The following GPC5 variants were observed in gnomAD, a reference collection of about 807,000 sequenced individuals.
The protein encoded by GPC5 is glypican 5, also known as glypican-5.
In GPC5, 47 loss-of-function variants were observed where a neutral mutation model predicts 53.9. The observed-to-expected ratio is 0.87, with a 90% CI of 0.69 to 1.11. GPC5 has a LOEUF of 1.11. GPC5 is among the 50% of genes most tolerant of loss of function. The probability of loss-of-function intolerance (pLI) is 0.00; values close to 1 mark genes in which losing one functional copy is unlikely to be tolerated. For missense variants in GPC5, 748 were observed against 713.1 expected (o/e 1.05, Z -0.56); for synonymous variants, 286 against 263.3 (o/e 1.09, Z -0.84).
intron 7 of GPC5, chr13:92,701,467 A>G (rs936671088): frequency 6.6e-6 from 1 of 152,118 alleles, no homozygotes; most frequent in Non-Finnish European, 1.5e-5. Flanking sequence ...TTGAGAATTC[A>G]ATTTTCAGGG....
rs539221013 is a variant in GPC5, at chr13:92,468,986, C to T, written c.1561+323997C>T. 3.3e-5 allele frequency among the ~76,000 whole-genome samples: 5 copies of T among 152,250 alleles called. No individual in the cohort carries two copies. The South Asian group carries it at 8.3e-4, about 25-fold the overall frequency. The stretch of plus-strand genomic sequence containing the variant: ...TATGCCCATGGCGTCCTATTCCTAT[C>T]GCACAAATTATCACTCTGTCTTAAA... On this transcript the variant is annotated intron_variant, in intron 7 of 7. Coordinates refer to ENST00000377067, the MANE Select transcript of GPC5 (RefSeq NM_004466.6).
At chr13:92,167,954 G>T (rs1176188042) in intron 7 of GPC5, among the ~76,000 whole-genome samples, 1 of 152,110 alleles carries the variant, frequency 6.6e-6, no homozygotes, top group Non-Finnish European at 1.5e-5. Context: ...CAACGAGGAG[G>T]TCCAAACCTT....
chr13:91,722,339 T>C (rs1210556144), intron 3 of GPC5, among the ~76,000 whole-genome samples: 1 of 152,212 alleles, frequency 6.6e-6, no homozygotes, highest in African/African-American at 2.4e-5. Context: ...CATAAAAGAC[T>C]AGATTTTTCT....
intron 7 of GPC5, among the ~76,000 whole-genome samples, chr13:92,815,270 G>T (rs569809141): frequency 3.6e-4 from 55 of 152,104 alleles, no homozygotes; most frequent in African/African-American, 1.2e-3. Context: ...ATCAAAGAAA[G>T]ACTCCATGAA....
chr13:91,672,957 T>A (rs987458737), intron 2 of GPC5, among the ~76,000 whole-genome samples: 3 of 152,088 alleles, frequency 2.0e-5, no homozygotes, highest in African/African-American at 7.2e-5. Flanking sequence ...CTGGAAGCCA[T>A]CATCCTCAGC....
chr13:92,290,111 A>G (rs2042983218), intron 7 of GPC5, among the ~76,000 whole-genome samples: 1 of 152,208 alleles, frequency 6.6e-6, no homozygotes, highest in Non-Finnish European at 1.5e-5. Flanking sequence ...GTACTATAAA[A>G]TAAAAACTGT....
intron 7 of GPC5, among the ~76,000 whole-genome samples, chr13:92,611,342 A>G (rs1047729212): frequency 1.3e-5 from 2 of 152,182 alleles, no homozygotes; most frequent in African/African-American, 4.8e-5. Flanking sequence ...CTCTTTGAGA[A>G]TCAGGCATCT....
At chr13:91,517,765 G>A (rs2351868) in intron 2 of GPC5, among the ~76,000 whole-genome samples, 83,540 of 152,112 alleles carry the variant, frequency 0.55, 27,445 homozygotes, top group Non-Finnish European at 0.72. Flanking sequence ...CCCATGGGTG[G>A]GGAGGTCCCA....
intron 6 of GPC5, among the ~76,000 whole-genome samples, chr13:91,921,255 A>T (rs2039711257): frequency 6.6e-6 from 1 of 151,950 alleles, no homozygotes; most frequent in Non-Finnish European, 1.5e-5. Flanking sequence ...TTTTCTGTAA[A>T]CCTTTTGTAT....
intron 7 of GPC5, among the ~76,000 whole-genome samples, chr13:92,203,223 A>G (rs1272919037): frequency 6.6e-6 from 1 of 151,728 alleles, no homozygotes; most frequent in South Asian, 2.1e-4. Context: ...AATAGCAAAG[A>G]CTTGGAACCA....
intron 7 of GPC5, among the ~76,000 whole-genome samples, chr13:92,661,505 T>A (rs1178429714): frequency 1.3e-5 from 2 of 152,216 alleles, no homozygotes; most frequent in African/African-American, 4.8e-5. Context: ...TTTTATGGCC[T>A]ATTTTTTCAA....
chr13:91,932,010 T>C (rs2039826163), intron 6 of GPC5, among the ~76,000 whole-genome samples: 2 of 151,982 alleles, frequency 1.3e-5, no homozygotes. Flanking sequence ...CTATACCCTA[T>C]AAATATGTAC....
intron 6 of GPC5, among the ~76,000 whole-genome samples, chr13:91,913,452 A>G (rs1278077871): frequency 2.6e-5 from 4 of 151,820 alleles, no homozygotes; most frequent in Admixed American, 2.6e-4. Flanking sequence ...GAGAGAGGTC[A>G]TAGCATACAC....
At position 91,489,875 on chromosome 13, in the gene GPC5, T is replaced by C. The variant is rs927026159; in HGVS notation, c.325+40953T>C. Among the ~76,000 whole-genome samples, 3 of 152,178 alleles carry C rather than the reference T, an allele frequency of 2.0e-5. No homozygotes were observed. In the East Asian group the frequency reaches 5.8e-4, roughly 29 times the overall value. On this transcript the variant is annotated intron_variant, in intron 2 of 7. Coordinates refer to ENST00000377067, the MANE Select transcript of GPC5 (RefSeq NM_004466.6). ...TAGGGAAATAAGCAAATTAGAAGCA[T>C]AGATGGGAAGGAGACTGTTTTTCAT...
chr13:91,817,181 C>T (rs1217291701), intron 5 of GPC5, among the ~76,000 whole-genome samples: 1 of 152,162 alleles, frequency 6.6e-6, no homozygotes, highest in Non-Finnish European at 1.5e-5. Context: ...GCAATGCCAG[C>T]TCTTGACATA....
intron 7 of GPC5, among the ~76,000 whole-genome samples, chr13:92,348,397 C>A (rs1268930787): frequency 6.6e-6 from 1 of 151,904 alleles, no homozygotes; most frequent in Non-Finnish European, 1.5e-5. Flanking sequence ...AGTAAGTATA[C>A]ATATACTCAA....
chr13:92,546,081 G>A (rs564640560), intron 7 of GPC5, among the ~76,000 whole-genome samples: 1 of 152,192 alleles, frequency 6.6e-6, no homozygotes, highest in East Asian at 1.9e-4. Context: ...CAAACTGGAA[G>A]CATTCCCTTG....
intron 7 of GPC5, among the ~76,000 whole-genome samples, chr13:92,832,446 T>G (rs911096610): frequency 6.6e-6 from 1 of 152,152 alleles, no homozygotes; most frequent in Non-Finnish European, 1.5e-5. Flanking sequence ...AATAAAAATA[T>G]TTTTCTTTGT....
At chr13:91,923,021 C>G (rs935137693) in intron 6 of GPC5, among the ~76,000 whole-genome samples, 2 of 152,142 alleles carry the variant, frequency 1.3e-5, no homozygotes, top group African/African-American at 4.8e-5. Flanking sequence ...ACCAGATTTT[C>G]TATTCTTGTT....
Sources: allele counts gnomAD v4.1 joint callset (sites outside exome capture counted in the v4.1 genomes callset), GRCh38; gene constraint gnomAD v4.1.1; transcripts MANE v1.5; gene names NCBI Gene and HGNC (gene_info 2026-07-23, HGNC 2026-07-21).